Variants in ITGB5 observed in about 807,000 individuals in gnomAD.
The protein encoded by ITGB5 is integrin beta-5.
ITGB5 carries 38 observed loss-of-function variants against 84.8 expected under a neutral mutation model. That is an observed-to-expected ratio of 0.45 (90% CI 0.35 to 0.59). The LOEUF (loss-of-function observed/expected upper bound fraction) is 0.59. Ranked by LOEUF, ITGB5 falls within the 20% of genes least tolerant of loss-of-function variation. The probability of loss-of-function intolerance (pLI) is 0.01; values close to 1 mark genes in which losing one functional copy is unlikely to be tolerated. For missense variants in ITGB5, 905 were observed against 1,034.5 expected (o/e 0.87, Z 1.72); for synonymous variants, 393 against 414.4 (o/e 0.95, Z 0.63).
At chr3:124,870,428 C>T (rs1933949544) in intron 2 of ITGB5, among the ~76,000 whole-genome samples, 1 of 152,170 alleles carries the variant, frequency 6.6e-6, no homozygotes, top group African/African-American at 2.4e-5. Flanking sequence ...ATGAAGAAAA[C>T]AGATAGAACC....
chr3:124,899,853 CAAAAAA>C (rs60859904), intron 1 of ITGB5, among the ~76,000 whole-genome samples: 66 of 34,996 alleles, frequency 1.9e-3, no homozygotes, highest in East Asian at 5.6e-3. Flanking sequence ...GACCCTGTCT[CAAAAAA>C]AAAAAAAAAA....
Position 124,881,009 on chromosome 3 carries a change from A to C in ITGB5, c.70+5922T>G, listed in dbSNP as rs550123536. Among the ~76,000 whole-genome samples the C allele has an allele frequency of 4.1e-4, 61 of 148,142 alleles. No individual in the cohort carries two copies. In the South Asian group the frequency reaches 0.013, roughly 32 times the overall value. On this transcript the variant is annotated intron_variant, in intron 1 of 14. Coordinates refer to ENST00000296181, the MANE Select transcript of ITGB5 (RefSeq NM_002213.5). ...TTGTTTGTTTGTTTGTTTGTTTGAG[A>C]CAGAGTCTCTGTCTCCCAGGCTAGA...
Position 124,894,226 on chromosome 3 carries a change from A to G in ITGB5, c.-255+7040T>C, listed in dbSNP as rs1935056860. Among the ~76,000 whole-genome samples, 4 of 137,122 alleles carry G rather than the reference A, an allele frequency of 2.9e-5. 1 individual carries two copies. In the South Asian group the frequency reaches 7.0e-4, roughly 24 times the overall value. The allele number at this position is 137,122 out of a possible 152,430, so 90.0% of individuals were successfully genotyped here. On this transcript the variant is annotated intron_variant, in intron 1 of 4. Transcript: ENST00000608657. ...CGGCTCACTGCAAGCTCCGCCTCCC[A>G]GGTTCATGCCATTCTCCTACCTCAG...
chr3:124,861,782 G>T (rs1375909098), intron 2 of ITGB5, among the ~76,000 whole-genome samples: 2 of 152,028 alleles, frequency 1.3e-5, no homozygotes, highest in African/African-American at 4.8e-5. Context: ...GGATGGCCTC[G>T]ATCTCCTGAC....
chr3:124,896,756 A>AAAG lies in ITGB5; in HGVS notation c.-255+4509_-255+4510insCTT, dbSNP rs1177029063. Among the ~76,000 whole-genome samples the AAAG allele has an allele frequency of 4.0e-5, 6 of 149,494 alleles. No homozygotes were observed. In the East Asian group the frequency reaches 1.2e-3, roughly 29 times the overall value. On this transcript the variant is annotated intron_variant, in intron 1 of 4. Coordinates refer to the ITGB5 transcript ENST00000608657. ...AGTGAGACCTTGTCTTAAAAAAAAA[A>AAAG]AAAAAAAGGGAGAAGAAGAAGCTGG...
At chr3:124,900,708 C>A (rs1257401901) in intron 1 of ITGB5, among the ~76,000 whole-genome samples, 1 of 152,178 alleles carries the variant, frequency 6.6e-6, no homozygotes, top group Non-Finnish European at 1.5e-5. Flanking sequence ...TCTCGGAGAA[C>A]CCTCAGGGAA....
chr3:124,899,812 C>T (rs1017244581), intron 1 of ITGB5, among the ~76,000 whole-genome samples: 2 of 135,526 alleles, frequency 1.5e-5, no homozygotes, highest in Admixed American at 8.3e-5. Flanking sequence ...CATGATCATG[C>T]CACTGCACTC....
At chr3:124,900,949 T>G (rs1475779327) in intron 1 of ITGB5, among the ~76,000 whole-genome samples, 1 of 152,180 alleles carries the variant, frequency 6.6e-6, no homozygotes, top group Non-Finnish European at 1.5e-5. Flanking sequence ...GGACAATATA[T>G]GATCTCTAAT....
chr3:124,771,110 T>TAGTC (rs1407452028), intron 11 of ITGB5, among the ~76,000 whole-genome samples: 2 of 152,198 alleles, frequency 1.3e-5, no homozygotes, highest in African/African-American at 4.8e-5. Context: ...TAATATATTG[T>TAGTC]AGTCATGTAC....
chr3:124,848,716 T>C (rs1324441325), intron 3 of ITGB5, among the ~76,000 whole-genome samples, 158 bp from the exon 4 acceptor site: 1 of 152,234 alleles, frequency 6.6e-6, no homozygotes, highest in Non-Finnish European at 1.5e-5. Context: ...CTGAAGGGAA[T>C]ACGGTGCTGA....
At chr3:124,856,062 C>T (rs1437522811) in intron 3 of ITGB5, among the ~76,000 whole-genome samples, 2 of 152,058 alleles carry the variant, frequency 1.3e-5, no homozygotes, top group African/African-American at 4.8e-5. Context: ...ACCTCAGTCT[C>T]CCCCATAGCA....
Position 124,815,702 on chromosome 3 carries a change from C to T in ITGB5, c.1128+1919G>A, listed in dbSNP as rs954333988. Reference sequence around the variant, plus strand: ...AAGCGGCTCACAGCTCACACCAGCTCACCCCAGGAAAGAGGGTGACATTCA... The same window carrying T: ...AAGCGGCTCACAGCTCACACCAGCTTACCCCAGGAAAGAGGGTGACATTCA... On this transcript the variant is annotated intron_variant, in intron 8 of 14. Coordinates refer to ENST00000296181, the MANE Select transcript of ITGB5 (RefSeq NM_002213.5). Among the ~76,000 whole-genome samples, 32 of 152,214 alleles carry T rather than the reference C, an allele frequency of 2.1e-4. 1 individual carries two copies. The highest frequency in any genetic ancestry group is 7.2e-4 in the African/African-American group (30 of 41,452).
intron 10 of ITGB5, among the ~76,000 whole-genome samples, chr3:124,784,002 G>A (rs954415254): frequency 2.6e-5 from 4 of 152,084 alleles, no homozygotes; most frequent in African/African-American, 9.7e-5. Context: ...GTCCTTCATC[G>A]GCTGGACTAC....
chr3:124,858,871 A>C (rs566981760), intron 3 of ITGB5, among the ~76,000 whole-genome samples: 2 of 152,214 alleles, frequency 1.3e-5, no homozygotes, highest in Non-Finnish European at 2.9e-5. Context: ...TTAATGTTTA[A>C]TGGGTATAGA....
chr3:124,850,412 T>C (rs992338065), intron 3 of ITGB5, among the ~76,000 whole-genome samples: 1 of 151,924 alleles, frequency 6.6e-6, no homozygotes, highest in African/African-American at 2.4e-5. Context: ...ATTATGATCA[T>C]TACTGCTTGC....
chr3:124,832,123 C>T (rs2064869000), intron 5 of ITGB5, among the ~76,000 whole-genome samples: 3 of 152,184 alleles, frequency 2.0e-5, no homozygotes, highest in Admixed American at 2.0e-4. Context: ...AAGAGTGGCA[C>T]ATGCAACTTT....
At chr3:124,859,629 A>G (rs941352756) in intron 2 of ITGB5, among the ~76,000 whole-genome samples, 183 bp from the exon 3 acceptor site, 2 of 152,246 alleles carry the variant, frequency 1.3e-5, no homozygotes, top group Non-Finnish European at 2.9e-5. Context: ...GTAAGGATTA[A>G]CTGAGCTGCT....
At position 124,880,469 on chromosome 3, in the gene ITGB5, G is replaced by T. The variant is rs529061163; in HGVS notation, c.70+6462C>A. Among the ~76,000 whole-genome samples, 4 of 152,214 alleles carry T rather than the reference G, an allele frequency of 2.6e-5. No individual in the cohort carries two copies. The East Asian group carries it at 5.8e-4, about 22-fold the overall frequency. On this transcript the variant is annotated intron_variant, in intron 1 of 14. Transcript: ENST00000296181. ...AAATTCTTTGAAGGCTTTTTTAAGG[G>T]CCAGGCACACTGGCTCACTTCTGTG...
intron 10 of ITGB5, among the ~76,000 whole-genome samples, chr3:124,775,161 G>A (rs1362130690): frequency 6.6e-6 from 1 of 152,242 alleles, no homozygotes; most frequent in Non-Finnish European, 1.5e-5. Context: ...CTCAGCAGGT[G>A]TGAGGGGCAG....
Sources: gnomAD v4.1 joint callset for allele counts (sites outside exome capture counted in the v4.1 genomes callset) on GRCh38, gnomAD v4.1.1 for gene constraint, MANE v1.5 for transcripts, NCBI Gene and HGNC (gene_info 2026-07-23, HGNC 2026-07-21) for gene names.